NFXL1: variants seen among roughly 807,000 people sequenced by gnomAD.
The protein encoded by NFXL1 is NF-X1-type zinc finger protein NFXL1.
NFXL1 carries 66 observed loss-of-function variants against 123.3 expected under a neutral mutation model. That is an observed-to-expected ratio of 0.54 (90% confidence interval 0.44 to 0.66). The LOEUF (loss-of-function observed/expected upper bound fraction) is 0.66, where lower values mean the gene tolerates loss of function less well. Among genes scored for constraint, NFXL1 ranks in the 30% least tolerant of loss-of-function variants. The probability of loss-of-function intolerance (pLI) is 0.00; values close to 1 mark genes in which losing one functional copy is unlikely to be tolerated. For missense variants in NFXL1, 944 were observed against 1,125.6 expected (o/e 0.84, Z 2.31); for synonymous variants, 346 against 360.8 (o/e 0.96, Z 0.46).
At chr4:47,889,875 T>A (rs1394406600) in intron 12 of NFXL1, among the ~76,000 whole-genome samples, 1 of 152,200 alleles carries the variant, frequency 6.6e-6, no homozygotes, top group African/African-American at 2.4e-5. Context: ...AAAAGTGATG[T>A]CCATAGCAGA....
At chr4:47,870,451 T>C (rs892591788) in intron 18 of NFXL1, among the ~76,000 whole-genome samples, 3 of 149,950 alleles carry the variant, frequency 2.0e-5, no homozygotes, top group Non-Finnish European at 4.5e-5. Flanking sequence ...TCTTACATAA[T>C]GTAGAAATAC....
intron 18 of NFXL1, among the ~76,000 whole-genome samples, chr4:47,866,195 A>G (rs1162140908): frequency 6.6e-6 from 1 of 152,150 alleles, no homozygotes. Flanking sequence ...TTGGAAAGGC[A>G]ACACTCTGGG....
At chr4:47,860,471 A>T (rs2110040803) in intron 19 of NFXL1, among the ~76,000 whole-genome samples, 1 of 152,340 alleles carries the variant, frequency 6.6e-6, no homozygotes, top group East Asian at 1.9e-4. Flanking sequence ...AGCTGGAAGG[A>T]TATGCTTATG....
chr4:47,862,228 G>A (rs1208614639), intron 19 of NFXL1, among the ~76,000 whole-genome samples: 3 of 152,094 alleles, frequency 2.0e-5, no homozygotes, highest in African/African-American at 4.8e-5. Context: ...GACAGTTTTA[G>A]TTTGAATAAA....
intron 18 of NFXL1, among the ~76,000 whole-genome samples, chr4:47,873,933 T>C (rs1303104401): frequency 2.0e-5 from 3 of 152,278 alleles, no homozygotes; most frequent in Admixed American, 1.3e-4. Flanking sequence ...CTGCAGCTTC[T>C]GCATCAGCAC....
Position 47,847,333 on chromosome 4 carries a change from C to T in NFXL1, c.*830G>A, listed in dbSNP as rs1029074058. The T allele has an allele frequency of 3.9e-5, 6 of 152,114 alleles. No individual in the cohort carries two copies. The highest frequency in any genetic ancestry group is 1.4e-4 in the African/African-American group (6 of 41,424). 9.4% of individuals were successfully genotyped at this position (152,114 alleles called of 1,614,324 possible). The stretch of plus-strand genomic sequence containing the variant: ...TTATAATTCAAACAGATTTGACTTA[C>T]TGATATTTCTCTATTTGTTTTCATA... On this transcript the variant is annotated 3_prime_UTR_variant, in exon 23 of 23. Coordinates refer to ENST00000507489, the MANE Select transcript of NFXL1 (RefSeq NM_001278624.2).
chr4:47,913,490 T>G (rs937784046), intron 2 of NFXL1, among the ~76,000 whole-genome samples: 2 of 152,178 alleles, frequency 1.3e-5, no homozygotes, highest in African/African-American at 4.8e-5. Flanking sequence ...AGAGAGAATG[T>G]GAGATGGAAT....
chr4:47,913,868 G>T (rs537142411), intron 2 of NFXL1, 101 bp downstream of exon 2: 114 of 768,126 alleles, frequency 1.5e-4, no homozygotes, highest in Admixed American at 2.7e-4. Flanking sequence ...CCGAACGAGG[G>T]GAAAAGCAGT....
At chr4:47,880,539 A>C (rs903418833) in intron 15 of NFXL1, among the ~76,000 whole-genome samples, 1 of 151,848 alleles carries the variant, frequency 6.6e-6, no homozygotes, top group Non-Finnish European at 1.5e-5. Flanking sequence ...TCAATAAGAA[A>C]GCAAATAACG....
At chr4:47,906,235 C>T (rs1436315846) in intron 3 of NFXL1, among the ~76,000 whole-genome samples, 1 of 152,104 alleles carries the variant, frequency 6.6e-6, no homozygotes, top group Non-Finnish European at 1.5e-5. Flanking sequence ...AGAAATAAGC[C>T]TACATGCCTT....
intron 15 of NFXL1, 41 bp downstream of exon 15, chr4:47,884,305 G>GTTTT: frequency 1.7e-6 from 2 of 1,210,380 alleles, no homozygotes; most frequent in Non-Finnish European, 2.4e-6. Context: ...TATGTCAAAA[G>GTTTT]TTTTTTGTTT....
intron 15 of NFXL1, among the ~76,000 whole-genome samples, chr4:47,882,567 G>A (rs1007389217): frequency 1.3e-5 from 2 of 152,188 alleles, no homozygotes; most frequent in African/African-American, 4.8e-5. Flanking sequence ...CTAATTATGT[G>A]AGGGATAAAT....
chr4:47,854,956 A>G (rs1192638301), intron 20 of NFXL1, 103 bp downstream of exon 20: 1 of 380,676 alleles, frequency 2.6e-6, no homozygotes, highest in Non-Finnish European at 4.8e-6. Flanking sequence ...AAAAAAAAAA[A>G]GCCAAACAAC....
chr4:47,896,702 A>G lies in NFXL1; in HGVS notation c.1205-55T>C, dbSNP rs551909484. On this transcript the variant is annotated intron_variant, in intron 9 of 22. Transcript: ENST00000507489. ...AATGAGACATTATTATTAAACATCA[A>G]CAAAGTGCCATGTTCTTCAGGCTCC... 3.9e-6 allele frequency: 5 copies of G among 1,271,988 alleles called. No individual in the cohort carries two copies. In the South Asian group the frequency reaches 6.3e-5, roughly 16 times the overall value. 78.8% of individuals were successfully genotyped at this position (1,271,988 alleles called of 1,614,324 possible).
At chr4:47,855,021 TA>T in intron 20 of NFXL1, 37 bp downstream of exon 20, 1 of 915,994 alleles carries the variant, frequency 1.1e-6, no homozygotes, top group Non-Finnish European at 1.7e-6. Flanking sequence ...AAAAACAACT[TA>T]TATAGAAAAG....
At chr4:47,871,969 G>A (rs1334659789) in intron 18 of NFXL1, among the ~76,000 whole-genome samples, 7 of 152,244 alleles carry the variant, frequency 4.6e-5, no homozygotes, top group Non-Finnish European at 5.9e-5. Flanking sequence ...AAACAGCCAG[G>A]AGAGTTAAGT....
chr4:47,864,037 C>T (rs988561502), intron 18 of NFXL1, among the ~76,000 whole-genome samples: 1 of 152,156 alleles, frequency 6.6e-6, no homozygotes, highest in Non-Finnish European at 1.5e-5. Context: ...ACTAAATTAG[C>T]TATAAATATA....
intron 2 of NFXL1, 43 bp downstream of exon 2, chr4:47,913,926 T>G: frequency 7.0e-7 from 1 of 1,422,416 alleles, no homozygotes; most frequent in South Asian, 1.2e-5. Flanking sequence ...GTAACTGCCT[T>G]AGGAGGCATC....
intron 4 of NFXL1, among the ~76,000 whole-genome samples, chr4:47,904,474 A>C (rs1737477045): frequency 1.3e-5 from 2 of 152,180 alleles, no homozygotes. Flanking sequence ...CTGCAGCTGA[A>C]ATCAGAGTAA....
Sources: gnomAD v4.1 joint callset for allele counts (sites outside exome capture counted in the v4.1 genomes callset) on GRCh38, gnomAD v4.1.1 for gene constraint, MANE v1.5 for transcripts, NCBI Gene and HGNC (gene_info 2026-07-23, HGNC 2026-07-21) for gene names.